The following IQCE variants were observed in gnomAD, a reference collection of about 807,000 sequenced individuals.
IQCE encodes IQ domain-containing protein E.
A neutral mutation model predicts 96.0 loss-of-function variants in IQCE; 115 were observed. That is an observed-to-expected ratio of 1.20 (90% CI 1.03 to 1.40). The LOEUF is 1.40. IQCE is among the 40% of genes most tolerant of loss of function. The pLI is 0.00. For missense variants in IQCE, 1,041 were observed against 909.1 expected (o/e 1.15, Z -1.87); for synonymous variants, 412 against 371.2 (o/e 1.11, Z -1.26).
chr7:2,567,101 CCT>C lies in IQCE; in HGVS notation c.37-10_37-9del, dbSNP rs1441496883. 2.5e-6 allele frequency: 4 copies of C among 1,612,642 alleles called. No individual in the cohort carries two copies. Among genetic ancestry groups the C allele is most frequent in the Non-Finnish European group, 3.4e-6 (4 of 1,178,940 alleles). On this transcript the variant is annotated splice_polypyrimidine_tract_variant and intron_variant, in intron 1 of 21. Coordinates refer to ENST00000402050, the MANE Select transcript of IQCE (RefSeq NM_152558.5). ...AGGTGCCGTCGAGTTACAGTGTTTG[CCT>C]CTCTTCCTCCAGGGAGATGACAGTC...
intron 4 of IQCE, among the ~76,000 whole-genome samples, 177 bp downstream of exon 4, chr7:2,571,831 G>A (rs1179222069): frequency 2.0e-5 from 3 of 152,238 alleles, no homozygotes; most frequent in East Asian, 3.9e-4. Flanking sequence ...ATGTGGTTTC[G>A]CCAAGTGGCG....
rs1783170427 is a variant in IQCE at position 2,586,954 on chromosome 7, C to T, written c.988+583C>T. 2.0e-5 allele frequency among the ~76,000 whole-genome samples: 3 copies of T among 152,116 alleles called. No individual in the cohort carries two copies. In the South Asian group the frequency reaches 6.2e-4, roughly 32 times the overall value. ...AGGGGGGCCGTGCTGCTTCCCGAGG[C>T]CCCCTGGCTTCTGTGCAGAGATGGG... is the stretch of plus-strand genomic sequence containing the variant. On this transcript the variant is annotated intron_variant, in intron 12 of 21. Coordinates refer to ENST00000402050, the MANE Select transcript of IQCE (RefSeq NM_152558.5).
intron 16 of IQCE, 28 bp downstream of exon 16, chr7:2,595,004 C>T (rs749283553): frequency 1.0e-5 from 15 of 1,494,008 alleles, no homozygotes; most frequent in Middle Eastern, 1.7e-4. Flanking sequence ...TTGAGTCTCC[C>T]GTCAGGTGCG....
At chr7:2,596,908 A>G (rs1358901645) in intron 16 of IQCE, 1 of 459,776 alleles carries the variant, frequency 2.2e-6, no homozygotes, top group Non-Finnish European at 4.6e-6. Flanking sequence ...AGCTAAAGAG[A>G]TCTGGAAACA....
chr7:2,603,886 C>T (rs1345506394), intron 18 of IQCE, among the ~76,000 whole-genome samples: 1 of 152,076 alleles, frequency 6.6e-6, no homozygotes, highest in Non-Finnish European at 1.5e-5. Context: ...TTGAGAGATG[C>T]CCATCTATCA....
intron 16 of IQCE, among the ~76,000 whole-genome samples, chr7:2,596,267 A>G (rs1328452549): frequency 6.6e-6 from 1 of 151,996 alleles, no homozygotes; most frequent in East Asian, 1.9e-4. Flanking sequence ...CTCACTAAAA[A>G]AAGAAAAGAA....
intron 21 of IQCE, among the ~76,000 whole-genome samples, chr7:2,608,579 C>T (rs995975098): frequency 2.6e-5 from 4 of 152,196 alleles, no homozygotes; most frequent in Non-Finnish European, 5.9e-5. Flanking sequence ...ACACGCAAAG[C>T]GGTCGGGCCG....
chr7:2,567,191 G>A (rs756096495), intron 2 of IQCE, 28 bp downstream of exon 2: 61 of 1,602,978 alleles, frequency 3.8e-5, no homozygotes, highest in Non-Finnish European at 4.4e-5. Flanking sequence ...TCAGCCGTGC[G>A]ACCTCGGGCT....
intron 3 of IQCE, 136 bp downstream of exon 3, chr7:2,569,135 G>A: frequency 1.3e-6 from 1 of 791,904 alleles, no homozygotes; most frequent in Non-Finnish European, 2.1e-6. Flanking sequence ...TCCCACTGGG[G>A]TCTCCCAGTT....
In IQCE at chr7:2,593,006, C is replaced by T. The variant is rs747559160; in HGVS notation, c.1245-16C>T. The T allele has an allele frequency of 4.4e-6, 7 of 1,588,278 alleles. No individual in the cohort carries two copies. Among genetic ancestry groups the T allele is most frequent in the African/African-American group, 2.7e-5 (2 of 74,454 alleles). On this transcript the variant is annotated splice_polypyrimidine_tract_variant and intron_variant, in intron 14 of 21. Transcript: ENST00000402050. Reference sequence around the variant, plus strand: ...GTTTTTGTGAACGCTGACGAGTCTCCTATTCTTGTGTGCAGTTTGGAGGTG... The same window carrying T: ...GTTTTTGTGAACGCTGACGAGTCTCTTATTCTTGTGTGCAGTTTGGAGGTG...
At chr7:2,594,205 A>T (rs527759127) in intron 15 of IQCE, among the ~76,000 whole-genome samples, 1 of 152,218 alleles carries the variant, frequency 6.6e-6, no homozygotes, top group Non-Finnish European at 1.5e-5. Flanking sequence ...GGTTGCAGTG[A>T]GCAGAGAGCA....
chr7:2,563,893 CAAA>C (rs34269895), intron 1 of IQCE, among the ~76,000 whole-genome samples: 2 of 59,978 alleles, frequency 3.3e-5, no homozygotes, highest in East Asian at 4.7e-4. Context: ...GACTCCATCT[CAAA>C]AAAAAAAAAA....
In IQCE at chr7:2,604,027, C is replaced by T. The variant is rs972684852; in HGVS notation, c.1633-854C>T. Among the ~76,000 whole-genome samples, 3 of 147,234 alleles carry T rather than the reference C, an allele frequency of 2.0e-5. No individual in the cohort carries two copies. The Admixed American group carries it at 2.1e-4, about 10-fold the overall frequency. On this transcript the variant is annotated intron_variant, in intron 18 of 21. Transcript: ENST00000402050. ...TTTTTGAGATAGAGTCTCACTGTGT[C>T]ACCCAGGCTGGAGTGCAGTGGCCCA...
At chr7:2,573,607 G>T in intron 6 of IQCE, 119 bp downstream of exon 6, 1 of 586,198 alleles carries the variant, frequency 1.7e-6, no homozygotes, top group Non-Finnish European at 3.1e-6. Context: ...GAGCGTTAGG[G>T]TCGAACCTGA....
At chr7:2,601,098 T>C (rs1446364948) in intron 17 of IQCE, among the ~76,000 whole-genome samples, 7 of 152,170 alleles carry the variant, frequency 4.6e-5, no homozygotes, top group African/African-American at 9.7e-5. Context: ...AGCTCTCACA[T>C]TGGGCCCACA....
chr7:2,604,131 G>A (rs1327896068), intron 18 of IQCE, among the ~76,000 whole-genome samples: 2 of 40 alleles, frequency 0.05, no homozygotes, highest in Admixed American at 0.25. Flanking sequence ...TGGGACTACA[G>A]GCATGCGCGC....
intron 8 of IQCE, chr7:2,580,245 A>G (rs1782560169): frequency 6.6e-6 from 1 of 151,824 alleles, no homozygotes. Context: ...ATGGGCTACA[A>G]CTTAAGTATG....
At chr7:2,596,174 G>A (rs1343240144) in intron 16 of IQCE, among the ~76,000 whole-genome samples, 1 of 152,130 alleles carries the variant, frequency 6.6e-6, no homozygotes, top group African/African-American at 2.4e-5. Context: ...TGGGAAGATC[G>A]CTCGAGCCCA....
intron 12 of IQCE, 90 bp downstream of exon 12, chr7:2,586,461 G>A: frequency 7.4e-7 from 1 of 1,350,692 alleles, no homozygotes; most frequent in Non-Finnish European, 1.0e-6. Context: ...ACTGAGGACA[G>A]GCACCACGAG....
Sources: gnomAD v4.1 joint callset for allele counts (sites outside exome capture counted in the v4.1 genomes callset) on GRCh38, gnomAD v4.1.1 for gene constraint, MANE v1.5 for transcripts, NCBI Gene and HGNC (gene_info 2026-07-23, HGNC 2026-07-21) for gene names.